Variants in TSPAN18 observed in about 807,000 individuals in gnomAD.
TSPAN18 encodes the protein tetraspanin 18.
TSPAN18 carries 14 observed loss-of-function variants against 27.3 expected under a neutral mutation model. That is an observed-to-expected ratio of 0.51 (90% CI 0.34 to 0.80). The LOEUF (loss-of-function observed/expected upper bound fraction) is 0.80, where lower values mean the gene tolerates loss of function less well. Among genes scored for constraint, TSPAN18 ranks in the 30% least tolerant of loss-of-function variants. The probability of loss-of-function intolerance (pLI) is 0.01; values close to 1 mark genes in which losing one functional copy is unlikely to be tolerated. For missense variants in TSPAN18, 268 were observed against 323.9 expected, an observed-to-expected ratio of 0.83 and a Z score of 1.32; for synonymous variants, 143 against 136.5, an observed-to-expected ratio of 1.05 and a Z score of -0.33.
chr11:44,735,097 G>A (rs546665729), intron 1 of TSPAN18, among the ~76,000 whole-genome samples: 1 of 152,330 alleles, frequency 6.6e-6, no homozygotes, highest in African/African-American at 2.4e-5. Context: ...CTTCTCCTGA[G>A]CATAGTGAAC....
intron 8 of TSPAN18, chr11:44,926,221 T>A (rs766499427): frequency 6.4e-6 from 1 of 155,500 alleles, no homozygotes; most frequent in African/African-American, 2.4e-5. Context: ...TGTGAAACAA[T>A]AGGGAATTGT....
chr11:44,848,475 A>G lies in TSPAN18; in HGVS notation c.-152-11853A>G, dbSNP rs148050719. Among the ~76,000 whole-genome samples the G allele has an allele frequency of 7.7e-3, 1,174 of 152,226 alleles. 21 individuals are homozygous for G. The highest frequency in any genetic ancestry group is 0.027 in the African/African-American group (1,106 of 41,536). ...TCTTTCCCTCTCTTCAGAGCTGTTC[A>G]GGCTTGGCAAGCAGCAGGGGCTCAG... On this transcript the variant is annotated intron_variant, in intron 2 of 9. Transcript: ENST00000520358.
chr11:44,733,053 A>G (rs918899864), intron 1 of TSPAN18, among the ~76,000 whole-genome samples: 11 of 152,138 alleles, frequency 7.2e-5, no homozygotes, highest in African/African-American at 2.2e-4. Context: ...ACTAATACTC[A>G]ACTGCTTTGG....
At chr11:44,858,603 C>G (rs1857797364) in intron 2 of TSPAN18, among the ~76,000 whole-genome samples, 1 of 152,132 alleles carries the variant, frequency 6.6e-6, no homozygotes, top group African/African-American at 2.4e-5. Flanking sequence ...AGTGAAGACT[C>G]CCCCCTCCAT....
chr11:44,926,589 C>CTAGT, intron 8 of TSPAN18, 85 bp from the exon 9 acceptor site: 8 of 1,246,990 alleles, frequency 6.4e-6, no homozygotes, highest in Non-Finnish European at 9.4e-6. Context: ...GGGACACCTG[C>CTAGT]CATGAACCCT....
chr11:44,766,959 C>T (rs1291100282), intron 2 of TSPAN18, among the ~76,000 whole-genome samples: 1 of 152,166 alleles, frequency 6.6e-6, no homozygotes, highest in Non-Finnish European at 1.5e-5. Flanking sequence ...AAGGTGACTA[C>T]CATGGGAAGC....
intron 2 of TSPAN18, among the ~76,000 whole-genome samples, chr11:44,807,560 A>G (rs12274907): frequency 0.02 from 3,060 of 151,406 alleles, 114 homozygotes; most frequent in African/African-American, 0.068. Context: ...AAGAAAAGAA[A>G]AAAGAATAGC....
intron 3 of TSPAN18, among the ~76,000 whole-genome samples, chr11:44,896,591 A>G (rs758485872): frequency 6.6e-6 from 1 of 152,106 alleles, no homozygotes; most frequent in African/African-American, 2.4e-5. Context: ...GCCATGTCTC[A>G]GGAGGGAGGC....
Position 44,778,229 on chromosome 11 carries a change from A to G in TSPAN18, c.-153+13717A>G, listed in dbSNP as rs143448253. On this transcript the variant is annotated intron_variant, in intron 2 of 9. Coordinates refer to ENST00000520358, the MANE Select transcript of TSPAN18 (RefSeq NM_130783.5). ...GATGGTGCAACTTGTGTAGCTAGCCAGAAGGAGCACACCTCTTGTTTAAGG... is the reference window on the plus strand; with the variant it reads ...GATGGTGCAACTTGTGTAGCTAGCCGGAAGGAGCACACCTCTTGTTTAAGG... 2.6e-5 allele frequency among the ~76,000 whole-genome samples: 4 copies of G among 152,142 alleles called. No homozygotes were observed. In the East Asian group the frequency reaches 7.7e-4, roughly 29 times the overall value.
chr11:44,892,358 G>A (rs1481976476), intron 3 of TSPAN18, among the ~76,000 whole-genome samples: 1 of 152,214 alleles, frequency 6.6e-6, no homozygotes, highest in East Asian at 1.9e-4. Context: ...CCCTGGACTT[G>A]GTTGCTTGGC....
At chr11:44,780,191 C>T (rs1346243048) in intron 2 of TSPAN18, among the ~76,000 whole-genome samples, 1 of 152,148 alleles carries the variant, frequency 6.6e-6, no homozygotes, top group Non-Finnish European at 1.5e-5. Flanking sequence ...GCCTCTCCCC[C>T]ACTGTATGCA....
chr11:44,816,200 G>A (rs1856815537), intron 2 of TSPAN18, among the ~76,000 whole-genome samples: 1 of 152,206 alleles, frequency 6.6e-6, no homozygotes, highest in Non-Finnish European at 1.5e-5. Context: ...GGACTGAAAA[G>A]GTGCACGGAG....
chr11:44,730,878 C>T (rs1175564101), intron 1 of TSPAN18, among the ~76,000 whole-genome samples: 1 of 152,178 alleles, frequency 6.6e-6, no homozygotes, highest in African/African-American at 2.4e-5. Context: ...CCTGCCTCGG[C>T]CTCCCAAAGT....
intron 2 of TSPAN18, among the ~76,000 whole-genome samples, chr11:44,818,835 G>T (rs1856867729): frequency 6.6e-6 from 1 of 152,002 alleles, no homozygotes; most frequent in South Asian, 2.1e-4. Context: ...CCTGGCTGGG[G>T]CTCAAGGGGC....
At chr11:44,861,418 G>A (rs1857880041) in intron 3 of TSPAN18, among the ~76,000 whole-genome samples, 1 of 144,716 alleles carries the variant, frequency 6.9e-6, no homozygotes, top group Non-Finnish European at 1.5e-5. Context: ...GGTGCTGAGG[G>A]AGGTGGTCGG....
At position 44,931,033 on chromosome 11, in the gene TSPAN18, T is replaced by C. The variant is rs937936735; in HGVS notation, c.*1855T>C. 4 of 454,128 alleles carry C rather than the reference T, an allele frequency of 8.8e-6. No homozygotes were observed. Among genetic ancestry groups the C allele is most frequent in the African/African-American group, 8.0e-5 (4 of 49,850 alleles). 28.1% of individuals were successfully genotyped at this position (454,128 alleles called of 1,614,324 possible). On this transcript the variant is annotated 3_prime_UTR_variant, in exon 10 of 10. Coordinates refer to ENST00000520358, the MANE Select transcript of TSPAN18 (RefSeq NM_130783.5). ...ATGCAGCCAGAAGCTCTGTGCCTGC[T>C]GCAAAGATTCAGGTGGACCCTCCTC... is the stretch of plus-strand genomic sequence containing the variant.
At chr11:44,872,273 C>T (rs747993599) in intron 3 of TSPAN18, among the ~76,000 whole-genome samples, 1 of 152,154 alleles carries the variant, frequency 6.6e-6, no homozygotes, top group Non-Finnish European at 1.5e-5. Flanking sequence ...CAGATTAAGA[C>T]CCCATTCTTA....
chr11:44,752,435 G>A (rs1855233851), intron 1 of TSPAN18, among the ~76,000 whole-genome samples: 3 of 152,036 alleles, frequency 2.0e-5, no homozygotes, highest in South Asian at 2.1e-4. Context: ...AGGCTGAAGC[G>A]CAGTGACTCT....
At chr11:44,741,912 T>C (rs558693040) in intron 1 of TSPAN18, among the ~76,000 whole-genome samples, 2 of 152,116 alleles carry the variant, frequency 1.3e-5, no homozygotes, top group Admixed American at 6.6e-5. Flanking sequence ...CTCCTCTCTC[T>C]GCTCTCTCCC....
Sources: allele counts gnomAD v4.1 joint callset (sites outside exome capture counted in the v4.1 genomes callset), GRCh38; gene constraint gnomAD v4.1.1; transcripts MANE v1.5; gene names NCBI Gene and HGNC (gene_info 2026-07-23, HGNC 2026-07-21).